FAM13A: variants seen among roughly 807,000 people sequenced by gnomAD.
FAM13A encodes protein FAM13A.
Under a neutral mutation model 129.6 loss-of-function variants are expected in FAM13A, and 76 were observed. The observed-to-expected ratio is 0.59, with a 90% CI of 0.49 to 0.71. FAM13A has a LOEUF of 0.71. Ranked by LOEUF, FAM13A falls within the 30% of genes least tolerant of loss-of-function variation. The probability of loss-of-function intolerance (pLI) is 0.00; values close to 1 mark genes in which losing one functional copy is unlikely to be tolerated. For synonymous variants in FAM13A, 443 were observed against 449.9 expected (o/e 0.98, Z 0.20); for missense variants, 1,108 against 1,249.3 (o/e 0.89, Z 1.70).
chr4:88,838,389 T>C (rs1212064108), intron 7 of FAM13A, among the ~76,000 whole-genome samples: 8 of 152,206 alleles, frequency 5.3e-5, no homozygotes, highest in Non-Finnish European at 1.2e-4. Context: ...TTTCAGCACA[T>C]TGAGAATGAT....
At chr4:88,858,586 T>C (rs573334733) in intron 6 of FAM13A, among the ~76,000 whole-genome samples, 3 of 152,292 alleles carry the variant, frequency 2.0e-5, no homozygotes, top group East Asian at 1.9e-4. Flanking sequence ...AAGTACATGA[T>C]AGAGCATAGA....
chr4:88,892,708 T>G (rs907014121), intron 6 of FAM13A, among the ~76,000 whole-genome samples: 3 of 152,136 alleles, frequency 2.0e-5, no homozygotes, highest in Admixed American at 6.6e-5. Flanking sequence ...CAAGGAGGCA[T>G]GCTATCACCG....
At chr4:88,929,550 G>A (rs1377697948) in intron 5 of FAM13A, among the ~76,000 whole-genome samples, 1 of 151,546 alleles carries the variant, frequency 6.6e-6, no homozygotes, top group Non-Finnish European at 1.5e-5. Flanking sequence ...ACTTTTTGTA[G>A]TTCCATATGT....
At chr4:88,854,749 A>G (rs1365526598) in intron 6 of FAM13A, among the ~76,000 whole-genome samples, 1 of 152,250 alleles carries the variant, frequency 6.6e-6, no homozygotes, top group Non-Finnish European at 1.5e-5. Flanking sequence ...CATTCCATGC[A>G]TGTATCTGCA....
chr4:88,893,420 T>C lies in FAM13A; in HGVS notation c.843+12959A>G, dbSNP rs911677669. 9.9e-5 allele frequency among the ~76,000 whole-genome samples: 15 copies of C among 152,268 alleles called. No individual in the cohort carries two copies. The East Asian group carries it at 1.2e-3, about 12-fold the overall frequency. On this transcript the variant is annotated intron_variant, in intron 6 of 23. Coordinates refer to ENST00000264344, the MANE Select transcript of FAM13A (RefSeq NM_014883.4). Reference sequence around the variant, plus strand: ...CGGGCGGATCACGAGGTCATGAGATTGAGACCATCTTGGCTAACACGGTGA... The same window carrying C: ...CGGGCGGATCACGAGGTCATGAGATCGAGACCATCTTGGCTAACACGGTGA...
chr4:88,759,828 T>G (rs56116025), intron 13 of FAM13A, among the ~76,000 whole-genome samples: 9,034 of 152,278 alleles, frequency 0.059, 578 homozygotes, highest in East Asian at 0.3. Flanking sequence ...AATAATTTTA[T>G]GTTTAAACAA....
intron 10 of FAM13A, among the ~76,000 whole-genome samples, chr4:88,783,115 C>A (rs1480985997): frequency 6.6e-6 from 1 of 151,938 alleles, no homozygotes; most frequent in African/African-American, 2.4e-5. Flanking sequence ...GGCACTTATT[C>A]TTTGTATTAC....
chr4:88,835,152 A>G (rs1734598679), intron 7 of FAM13A, among the ~76,000 whole-genome samples: 1 of 152,102 alleles, frequency 6.6e-6, no homozygotes, highest in African/African-American at 2.4e-5. Flanking sequence ...AGACACATAC[A>G]TGGACTGGGG....
chr4:88,818,834 T>C (rs1163047719), intron 7 of FAM13A, among the ~76,000 whole-genome samples: 1 of 152,164 alleles, frequency 6.6e-6, no homozygotes, highest in Non-Finnish European at 1.5e-5. Context: ...AAAGGTGTCA[T>C]CTCCACGAGC....
intron 8 of FAM13A, 120 bp downstream of exon 8, chr4:88,804,891 G>A: frequency 3.0e-6 from 2 of 666,242 alleles, no homozygotes; most frequent in Non-Finnish European, 2.7e-6. Context: ...GCTCCAGCAA[G>A]TTAGTCTGGC....
intron 6 of FAM13A, among the ~76,000 whole-genome samples, chr4:88,901,596 G>A (rs1747307685): frequency 6.6e-6 from 1 of 152,036 alleles, no homozygotes; most frequent in Admixed American, 6.6e-5. Context: ...ACTATGAGAA[G>A]AAAGAAACAA....
chr4:89,015,849 G>A (rs1157239175), intron 3 of FAM13A, among the ~76,000 whole-genome samples: 1 of 151,864 alleles, frequency 6.6e-6, no homozygotes, highest in Non-Finnish European at 1.5e-5. Context: ...CACAGACTCA[G>A]ATATACATAT....
At chr4:88,733,273 C>T (rs1409910253) in intron 21 of FAM13A, among the ~76,000 whole-genome samples, 1 of 152,060 alleles carries the variant, frequency 6.6e-6, no homozygotes, top group Non-Finnish European at 1.5e-5. Flanking sequence ...AATAAACAAG[C>T]AACCAAACAA....
At chr4:88,812,731 A>G (rs6814344) in intron 7 of FAM13A, among the ~76,000 whole-genome samples, 78,022 of 151,920 alleles carry the variant, frequency 0.51, 20,256 homozygotes, top group East Asian at 0.69. Context: ...GGCTTGTCTC[A>G]TTTCCAGATT....
intron 8 of FAM13A, among the ~76,000 whole-genome samples, chr4:88,795,949 A>T (rs1328993253): frequency 6.6e-6 from 1 of 151,790 alleles, no homozygotes; most frequent in Non-Finnish European, 1.5e-5. Context: ...TCTCAAGCTT[A>T]TCAAGAATTT....
At chr4:88,887,491 C>G (rs1315312659) in intron 6 of FAM13A, among the ~76,000 whole-genome samples, 1 of 151,050 alleles carries the variant, frequency 6.6e-6, no homozygotes, top group South Asian at 2.1e-4. Context: ...AAATAACTCT[C>G]TGGTAATTAT....
intron 3 of FAM13A, among the ~76,000 whole-genome samples, chr4:88,997,835 G>T (rs1314656923): frequency 6.6e-6 from 1 of 152,144 alleles, no homozygotes; most frequent in Non-Finnish European, 1.5e-5. Context: ...CATGGTGCCA[G>T]ATTTGTCAAA....
chr4:88,944,428 A>G lies in FAM13A; in HGVS notation c.606-6187T>C, dbSNP rs566572501. Among the ~76,000 whole-genome samples, 135 of 152,356 alleles carry G rather than the reference A, an allele frequency of 8.9e-4. 1 individual carries two copies. The highest frequency in any genetic ancestry group is 2.4e-3 in the African/African-American group (100 of 41,594). ...CATTGGTTCTATTACCAAGGGTTTG[A>G]CTGGAATATCCTATTTGAAAATGTG... On this transcript the variant is annotated intron_variant, in intron 4 of 23. Transcript: ENST00000264344.
chr4:89,000,637 A>C, intron 3 of FAM13A, among the ~76,000 whole-genome samples: 1 of 152,186 alleles, frequency 6.6e-6, no homozygotes, highest in East Asian at 1.9e-4. Flanking sequence ...TAGATCAAAA[A>C]CCACTGAATT....
Sources: gnomAD v4.1 joint callset for allele counts (sites outside exome capture counted in the v4.1 genomes callset) on GRCh38, gnomAD v4.1.1 for gene constraint, MANE v1.5 for transcripts, NCBI Gene and HGNC (gene_info 2026-07-23, HGNC 2026-07-21) for gene names.